The following POU6F2 variants were observed in gnomAD, a reference collection of about 807,000 sequenced individuals.
POU6F2 encodes POU domain, class 6, transcription factor 2.
Under a neutral mutation model 71.3 loss-of-function variants are expected in POU6F2, and 31 were observed. That is an observed-to-expected ratio of 0.43 (90% confidence interval 0.33 to 0.59). The LOEUF is 0.59. POU6F2 is among the 20% of genes least tolerant of loss of function. The pLI is 0.04. For synonymous variants in POU6F2, 347 were observed against 355.7 expected, an observed-to-expected ratio of 0.98 and a Z score of 0.27; for missense variants, 783 against 856.8, an observed-to-expected ratio of 0.91 and a Z score of 1.07.
chr7:39,458,385 C>A (rs2237367), intron 8 of POU6F2, among the ~76,000 whole-genome samples: 35 of 71,594 alleles, frequency 4.9e-4, no homozygotes, highest in African/African-American at 1.8e-3. Context: ...TTAGCAAGTG[C>A]TTTTTTTTTT....
chr7:39,031,800 G>T (rs1027639024), intron 1 of POU6F2, among the ~76,000 whole-genome samples: 1 of 152,030 alleles, frequency 6.6e-6, no homozygotes, highest in Admixed American at 6.6e-5. Context: ...AGGATATCAT[G>T]AACCCGGGAG....
intron 6 of POU6F2, among the ~76,000 whole-genome samples, chr7:39,419,565 G>A (rs181184624): frequency 2.6e-5 from 4 of 152,054 alleles, no homozygotes; most frequent in Admixed American, 2.6e-4. Flanking sequence ...TTAATATATT[G>A]AAGTTTTATG....
intron 2 of POU6F2, among the ~76,000 whole-genome samples, chr7:39,121,574 G>T (rs879586733): frequency 1.4e-4 from 21 of 152,070 alleles, no homozygotes; most frequent in Admixed American, 1.3e-3. Flanking sequence ...TACTATATTT[G>T]CTGTTTTCTT....
At chr7:39,397,885 C>A (rs2115859674) in intron 5 of POU6F2, among the ~76,000 whole-genome samples, 1 of 148,532 alleles carries the variant, frequency 6.7e-6, no homozygotes, top group South Asian at 2.1e-4. Flanking sequence ...GTGGTGCGAT[C>A]TCGGCTCACT....
chr7:39,218,669 AAGG>A (rs1354211623), intron 4 of POU6F2, among the ~76,000 whole-genome samples: 1 of 152,120 alleles, frequency 6.6e-6, no homozygotes, highest in East Asian at 1.9e-4. Flanking sequence ...GCAGGAATCC[AAGG>A]AGAAGAGGTC....
chr7:39,406,616 T>C lies in POU6F2; in HGVS notation c.989T>C (p.Leu330Pro). Residue 330 changes from leucine to proline, a missense_variant, in exon 6 of 10, where the codon CTA (leucine) becomes CCA (proline). This residue lies in a region of POU6F2 where 572 missense variants were observed against 572.9 expected (regional missense o/e 1.00). Transcript: ENST00000518318. ...TCTTTGCAGCTGGTTAATAATCCAC[T>C]AGCAAGTCAGGCTGCAGCGGCTGCA... Reference protein sequence around the residue: ...PNPLQLVNNPLASQAAAAAAA... With the variant: ...PNPLQLVNNPPASQAAAAAAA... The C allele has an allele frequency of 6.2e-7, 1 of 1,613,298 alleles. No individual in the cohort carries two copies. The highest frequency in any genetic ancestry group is 8.5e-7 in the Non-Finnish European group (1 of 1,179,798).
chr7:39,319,999 A>G (rs1785351476), intron 4 of POU6F2, among the ~76,000 whole-genome samples: 1 of 152,226 alleles, frequency 6.6e-6, no homozygotes, highest in Non-Finnish European at 1.5e-5. Context: ...CCATAACAGA[A>G]TGAGACTAGG....
chr7:39,021,030 T>G (rs1307067534), intron 1 of POU6F2, among the ~76,000 whole-genome samples: 1 of 151,880 alleles, frequency 6.6e-6, no homozygotes, highest in Non-Finnish European at 1.5e-5. Context: ...AACTCAATTT[T>G]GGATCCATTG....
chr7:39,451,743 C>CT, intron 8 of POU6F2, 42 bp downstream of exon 8: 1 of 1,513,930 alleles, frequency 6.6e-7, no homozygotes, highest in Non-Finnish European at 9.0e-7. Context: ...TGGTGGCCTT[C>CT]TTGTTGCCTA....
intron 1 of POU6F2, among the ~76,000 whole-genome samples, chr7:39,025,580 C>T (rs886928622): frequency 2.8e-4 from 43 of 151,952 alleles, no homozygotes; most frequent in Admixed American, 1.8e-3. Flanking sequence ...CTTCCTTACA[C>T]CTTATACAAA....
chr7:39,164,437 A>T (rs1216246261), intron 2 of POU6F2, among the ~76,000 whole-genome samples: 2 of 130,260 alleles, frequency 1.5e-5, no homozygotes, highest in Non-Finnish European at 3.3e-5. Flanking sequence ...AGTTCCACCT[A>T]CTCTGCCACC....
At chr7:38,980,324 CAGTA>C (rs1788285804) in intron 1 of POU6F2, among the ~76,000 whole-genome samples, 2 of 152,112 alleles carry the variant, frequency 1.3e-5, no homozygotes, top group South Asian at 2.1e-4. Context: ...GAAATTGAAA[CAGTA>C]AGTATTTAAA....
In POU6F2 at chr7:39,009,451, A is replaced by G. The variant is rs185379676; in HGVS notation, c.105+31393A>G. Among the ~76,000 whole-genome samples, 5 of 152,316 alleles carry G rather than the reference A, an allele frequency of 3.3e-5. No individual in the cohort carries two copies. The East Asian group carries it at 9.6e-4, about 29-fold the overall frequency. The stretch of plus-strand genomic sequence containing the variant: ...AGACAATGGGGTTTTCTAGATATAC[A>G]ATCATGTCATCTGCAAACAGGGACA... On this transcript the variant is annotated intron_variant, in intron 1 of 9. Coordinates refer to ENST00000518318, the MANE Select transcript of POU6F2 (RefSeq NM_001370959.1).
chr7:39,031,248 G>A (rs1459634852), intron 1 of POU6F2, among the ~76,000 whole-genome samples: 1 of 151,908 alleles, frequency 6.6e-6, no homozygotes, highest in Non-Finnish European at 1.5e-5. Context: ...TCATTCTGTT[G>A]TTTTTATACT....
chr7:39,026,812 A>C (rs1485346802), intron 1 of POU6F2, among the ~76,000 whole-genome samples: 1 of 152,112 alleles, frequency 6.6e-6, no homozygotes, highest in Non-Finnish European at 1.5e-5. Flanking sequence ...TAATGTAAAA[A>C]TATTGATAGT....
chr7:39,017,650 C>CTAT (rs1789588476), intron 1 of POU6F2, among the ~76,000 whole-genome samples: 2 of 152,152 alleles, frequency 1.3e-5, no homozygotes, highest in East Asian at 3.9e-4. Context: ...CCCTTATCCA[C>CTAT]CCTGGGGTAG....
At position 39,309,244 on chromosome 7, in the gene POU6F2, G is replaced by A. The variant is rs1453178044; in HGVS notation, c.599-30398G>A. ...CAAGGAATTTTCTTTAAGAAGCAAC[G>A]CCGGAGCCTCCACAAGGGAGGAGAT... is the stretch of plus-strand genomic sequence containing the variant. On this transcript the variant is annotated intron_variant, in intron 4 of 9. Coordinates refer to ENST00000518318, the MANE Select transcript of POU6F2 (RefSeq NM_001370959.1). Among the ~76,000 whole-genome samples, 4 of 152,216 alleles carry A rather than the reference G, an allele frequency of 2.6e-5. 1 individual carries two copies. The South Asian group carries it at 6.2e-4, about 24-fold the overall frequency.
chr7:39,253,886 C>T (rs1000241977), intron 4 of POU6F2, among the ~76,000 whole-genome samples: 2 of 152,188 alleles, frequency 1.3e-5, no homozygotes, highest in Non-Finnish European at 2.9e-5. Flanking sequence ...TCATTATCAA[C>T]ATCCTGCCTC....
chr7:39,173,018 G>T (rs1793255814), intron 2 of POU6F2, among the ~76,000 whole-genome samples: 3 of 151,896 alleles, frequency 2.0e-5, no homozygotes, highest in Non-Finnish European at 4.4e-5. Context: ...ACTTTTAAAT[G>T]TTCTAGTAGC....
Sources: allele counts gnomAD v4.1 joint callset (sites outside exome capture counted in the v4.1 genomes callset), GRCh38; gene constraint gnomAD v4.1.1; regional missense constraint gnomAD v4.1.1; transcripts MANE v1.5; gene names NCBI Gene and HGNC (gene_info 2026-07-23, HGNC 2026-07-21).